Variants in CNTN5 observed in about 807,000 individuals in gnomAD.
The protein encoded by CNTN5 is contactin-5.
CNTN5 carries 77 observed loss-of-function variants against 129.1 expected under a neutral mutation model. The ratio of observed to expected loss-of-function variants is 0.60; its 90% CI spans 0.50 to 0.72. CNTN5 has a LOEUF of 0.72. Ranked by LOEUF, CNTN5 falls within the 30% of genes least tolerant of loss-of-function variation. CNTN5 has a pLI of 0.00. For missense variants in CNTN5, 1,478 were observed against 1,328.8 expected (o/e 1.11, Z -1.75); for synonymous variants, 509 against 465.6 (o/e 1.09, Z -1.20).
chr11:99,854,500 G>A (rs968303445), intron 6 of CNTN5, among the ~76,000 whole-genome samples: 2 of 152,262 alleles, frequency 1.3e-5, no homozygotes, highest in South Asian at 2.1e-4. Context: ...GAAAATAAAC[G>A]AGAATTTGTA....
At chr11:99,983,646 G>A (rs1379733565) in intron 8 of CNTN5, among the ~76,000 whole-genome samples, 3 of 152,220 alleles carry the variant, frequency 2.0e-5, no homozygotes, top group African/African-American at 4.8e-5. Context: ...GACTTTTGGA[G>A]AAAGACATTG....
intron 3 of CNTN5, among the ~76,000 whole-genome samples, chr11:99,648,679 C>T (rs552247789): frequency 9.9e-5 from 15 of 151,396 alleles, no homozygotes; most frequent in Non-Finnish European, 1.6e-4. Context: ...CAAGAGGAAA[C>T]GAATAAAGAG....
At chr11:99,862,313 A>G (rs1277063339) in intron 6 of CNTN5, among the ~76,000 whole-genome samples, 1 of 152,108 alleles carries the variant, frequency 6.6e-6, no homozygotes, top group Non-Finnish European at 1.5e-5. Flanking sequence ...CCCAGGGTCC[A>G]TTGAAACTCT....
chr11:100,269,832 T>C (rs755854644), intron 17 of CNTN5, among the ~76,000 whole-genome samples: 35 of 152,152 alleles, frequency 2.3e-4, no homozygotes, highest in Admixed American at 3.3e-4. Flanking sequence ...GAAACAGTGA[T>C]GTTAAGTCCT....
intron 6 of CNTN5, among the ~76,000 whole-genome samples, chr11:99,901,914 G>C (rs1949368180): frequency 6.6e-6 from 1 of 152,156 alleles, no homozygotes; most frequent in African/African-American, 2.4e-5. Context: ...TAAAATGCAA[G>C]CGTTATCCCC....
intron 1 of CNTN5, among the ~76,000 whole-genome samples, chr11:99,082,272 G>A (rs1026768732): frequency 6.8e-5 from 10 of 147,672 alleles, no homozygotes; most frequent in East Asian, 2.1e-4. Context: ...TACAACCTCC[G>A]CCTCCTGGGT....
At chr11:99,299,014 C>T (rs1326683951) in intron 1 of CNTN5, among the ~76,000 whole-genome samples, 1 of 152,174 alleles carries the variant, frequency 6.6e-6, no homozygotes, top group African/African-American at 2.4e-5. Flanking sequence ...AGAAGCCCCT[C>T]TTGGGTTTAT....
chr11:99,119,955 T>G (rs1858227330), intron 1 of CNTN5, among the ~76,000 whole-genome samples: 1 of 152,168 alleles, frequency 6.6e-6, no homozygotes, highest in South Asian at 2.1e-4. Flanking sequence ...TTTTGCCTAT[T>G]TTTGGATGGG....
rs774119813 is a variant in CNTN5, at chr11:99,967,749, G to A, written c.877+10740G>A. 2.6e-5 allele frequency among the ~76,000 whole-genome samples: 4 copies of A among 152,180 alleles called. 1 individual carries two copies. The highest frequency in any genetic ancestry group is 2.6e-4 in the Admixed American group (4 of 15,280). ...TATAATTTCTTCCTCAAACACCTGTGCCTCTCCCTGTAACAGTGTTGCTTC... is the reference window on the plus strand; with the variant it reads ...TATAATTTCTTCCTCAAACACCTGTACCTCTCCCTGTAACAGTGTTGCTTC... On this transcript the variant is annotated intron_variant, in intron 8 of 24. Coordinates refer to ENST00000524871, the MANE Select transcript of CNTN5 (RefSeq NM_014361.4).
chr11:99,570,163 G>T (rs1050467574), intron 3 of CNTN5, among the ~76,000 whole-genome samples: 8 of 150,484 alleles, frequency 5.3e-5, no homozygotes, highest in Non-Finnish European at 1.2e-4. Context: ...AAAGAAAAAA[G>T]CTTGGGTCAT....
intron 3 of CNTN5, among the ~76,000 whole-genome samples, chr11:99,637,317 C>T (rs925838540): frequency 1.1e-4 from 17 of 151,852 alleles, no homozygotes; most frequent in African/African-American, 4.1e-4. Flanking sequence ...AGTAGATGTA[C>T]ACAGATCAAC....
In CNTN5 at chr11:99,988,508, A is replaced by C. The variant is rs1035225193; in HGVS notation, c.878-13526A>C. On this transcript the variant is annotated intron_variant, in intron 8 of 24. Coordinates refer to ENST00000524871, the MANE Select transcript of CNTN5 (RefSeq NM_014361.4). ...TTACAAATAAAAAGTAATGTGAGTG[A>C]GTGTTCTTGATAGTTGCAAGGAAGA... is the stretch of plus-strand genomic sequence containing the variant. Among the ~76,000 whole-genome samples, 54 of 152,202 alleles carry C rather than the reference A, an allele frequency of 3.5e-4. 1 individual carries two copies. Among genetic ancestry groups the C allele is most frequent in the Admixed American group, 3.5e-3 (54 of 15,286 alleles).
chr11:99,510,404 C>T (rs1055779873), intron 2 of CNTN5, among the ~76,000 whole-genome samples: 1 of 152,172 alleles, frequency 6.6e-6, no homozygotes, highest in Admixed American at 6.5e-5. Context: ...CTGCACGCAT[C>T]TTTTGACCTA....
At chr11:99,120,518 T>C (rs1858263391) in intron 1 of CNTN5, 1 of 152,224 alleles carries the variant, frequency 6.6e-6, no homozygotes, top group South Asian at 2.1e-4. Context: ...GCATTCTTAG[T>C]TCATGTTTGG....
intron 3 of CNTN5, among the ~76,000 whole-genome samples, chr11:99,700,059 A>G (rs1954451885): frequency 6.6e-6 from 1 of 151,500 alleles, no homozygotes; most frequent in Admixed American, 6.6e-5. Flanking sequence ...CACAGGTATC[A>G]TCATGAAAAT....
At chr11:99,809,224 A>G (rs1311455729) in intron 3 of CNTN5, among the ~76,000 whole-genome samples, 2 of 152,140 alleles carry the variant, frequency 1.3e-5, no homozygotes, top group Admixed American at 6.6e-5. Context: ...TATAGCCCCA[A>G]TTTGAAAACA....
chr11:99,305,863 C>T (rs1450362424), intron 1 of CNTN5, among the ~76,000 whole-genome samples: 1 of 151,910 alleles, frequency 6.6e-6, no homozygotes, highest in Non-Finnish European at 1.5e-5. Flanking sequence ...CACCTGTAGT[C>T]CCAGCTACTC....
intron 2 of CNTN5, among the ~76,000 whole-genome samples, chr11:99,352,742 G>A (rs922016424): frequency 2.0e-5 from 3 of 152,098 alleles, no homozygotes; most frequent in African/African-American, 7.2e-5. Flanking sequence ...AGATTGTCTG[G>A]GACAAGGTGG....
chr11:99,484,333 A>T (rs567559514), intron 2 of CNTN5, among the ~76,000 whole-genome samples: 4 of 152,196 alleles, frequency 2.6e-5, no homozygotes, highest in African/African-American at 9.6e-5. Flanking sequence ...ATGAGGTATC[A>T]TCTCACCCCT....
Sources: gnomAD v4.1 joint callset for allele counts (sites outside exome capture counted in the v4.1 genomes callset) on GRCh38, gnomAD v4.1.1 for gene constraint, MANE v1.5 for transcripts, NCBI Gene and HGNC (gene_info 2026-07-23, HGNC 2026-07-21) for gene names.